Variants in WWP1 observed in about 807,000 individuals in gnomAD.
WWP1 encodes the protein WW domain containing E3 ubiquitin protein ligase 1.
In WWP1, 49 loss-of-function variants were observed where a neutral mutation model predicts 130.6. That is an observed-to-expected ratio of 0.38 (90% CI 0.30 to 0.48). The LOEUF (loss-of-function observed/expected upper bound fraction) is 0.48, where lower values mean the gene tolerates loss of function less well. Among genes scored for constraint, WWP1 ranks in the 20% least tolerant of loss-of-function variants. The pLI is 0.99. For missense variants in WWP1, 809 were observed against 1,100.6 expected (o/e 0.74, Z 3.75); for synonymous variants, 332 against 367.8 (o/e 0.90, Z 1.11).
At chr8:86,353,394 T>TATA (rs1563458097) in intron 1 of WWP1, among the ~76,000 whole-genome samples, 2 of 152,170 alleles carry the variant, frequency 1.3e-5, no homozygotes, top group Non-Finnish European at 1.5e-5. Flanking sequence ...GTTGCTATGT[T>TATA]AGTAATTTTG....
At chr8:86,438,728 G>A (rs1810430888) in intron 17 of WWP1, 55 bp downstream of exon 17, 2 of 1,383,658 alleles carry the variant, frequency 1.4e-6, no homozygotes, top group Non-Finnish European at 9.8e-7. Context: ...TTGTATACAG[G>A]GAAAGTATTC....
chr8:86,362,509 A>ACC (rs1823728641), intron 1 of WWP1, among the ~76,000 whole-genome samples: 2 of 152,066 alleles, frequency 1.3e-5, no homozygotes, highest in Non-Finnish European at 2.9e-5. Flanking sequence ...CAAGGGTAGA[A>ACC]GAATCGGTGA....
chr8:86,458,680 C>T (rs1811587523), intron 22 of WWP1, among the ~76,000 whole-genome samples: 1 of 152,138 alleles, frequency 6.6e-6, no homozygotes, highest in Admixed American at 6.5e-5. Flanking sequence ...GGACTTCTGG[C>T]TTACTTCTGC....
intron 9 of WWP1, among the ~76,000 whole-genome samples, chr8:86,421,262 C>T (rs995680857): frequency 1.3e-5 from 2 of 151,952 alleles, no homozygotes; most frequent in African/African-American, 2.4e-5. Context: ...TTTGTGATCC[C>T]GAGTCAGTTC....
chr8:86,406,568 C>T (rs1410308649), intron 8 of WWP1, among the ~76,000 whole-genome samples: 1 of 152,152 alleles, frequency 6.6e-6, no homozygotes, highest in Non-Finnish European at 1.5e-5. Context: ...CCAGTGTTAA[C>T]ATCTTGTATA....
At chr8:86,389,835 G>T (rs1825528670) in intron 5 of WWP1, among the ~76,000 whole-genome samples, 1 of 150,346 alleles carries the variant, frequency 6.7e-6, no homozygotes, top group Non-Finnish European at 1.5e-5. Flanking sequence ...GGTGGGGGCT[G>T]CCCCCCACCT....
At chr8:86,365,801 A>G (rs960186040) in intron 1 of WWP1, among the ~76,000 whole-genome samples, 2 of 152,322 alleles carry the variant, frequency 1.3e-5, no homozygotes, top group Admixed American at 1.3e-4. Flanking sequence ...GTCTCTATTT[A>G]TATATAAAAA....
intron 2 of WWP1, among the ~76,000 whole-genome samples, chr8:86,372,903 T>A (rs1824410111): frequency 6.6e-6 from 1 of 152,118 alleles, no homozygotes; most frequent in Non-Finnish European, 1.5e-5. Flanking sequence ...ACTCCTTTCT[T>A]TGGGTTTGTT....
At chr8:86,461,922 G>GATC in intron 24 of WWP1, 76 bp downstream of exon 24, 1 of 1,239,052 alleles carries the variant, frequency 8.1e-7, no homozygotes, top group East Asian at 2.3e-5. Context: ...AAATATGTAA[G>GATC]ATCCAGTATA....
intron 5 of WWP1, among the ~76,000 whole-genome samples, chr8:86,393,209 A>T (rs1160529517): frequency 1.4e-4 from 21 of 149,550 alleles, no homozygotes; most frequent in African/African-American, 5.3e-4. Context: ...TTTAATTTGT[A>T]TTTATTTATT....
intron 1 of WWP1, among the ~76,000 whole-genome samples, chr8:86,351,244 A>G (rs961864334): frequency 1.3e-5 from 2 of 152,246 alleles, no homozygotes; most frequent in African/African-American, 4.8e-5. Flanking sequence ...TTGAAAATTC[A>G]AACAAGTATT....
chr8:86,344,808 T>C (rs1015031171), intron 1 of WWP1, among the ~76,000 whole-genome samples: 14 of 152,174 alleles, frequency 9.2e-5, no homozygotes, highest in African/African-American at 3.1e-4. Flanking sequence ...CAGGTAATTA[T>C]GTTTGGGTGG....
intron 11 of WWP1, 51 bp downstream of exon 11, chr8:86,427,868 C>CT: frequency 6.7e-7 from 1 of 1,488,576 alleles, no homozygotes; most frequent in South Asian, 1.4e-5. Flanking sequence ...TCAGGTGTTT[C>CT]TTTCTTTTTT....
At chr8:86,375,468 C>T (rs1824582029) in intron 3 of WWP1, among the ~76,000 whole-genome samples, 1 of 152,136 alleles carries the variant, frequency 6.6e-6, no homozygotes, top group Admixed American at 6.5e-5. Context: ...CCTTCTGTTG[C>T]TTCTTTTTGA....
chr8:86,398,937 G>A (rs1288882837), intron 7 of WWP1, among the ~76,000 whole-genome samples: 4 of 152,154 alleles, frequency 2.6e-5, no homozygotes, highest in Non-Finnish European at 5.9e-5. Flanking sequence ...CTACCTTGAA[G>A]AGAAACCATG....
chr8:86,431,451 A>G lies in WWP1; in HGVS notation c.1433A>G (p.Asn478Ser). The change falls in exon 13 of 25, where the codon AAC (asparagine) becomes AGC (serine). Residue 478 changes from asparagine (N) to serine (S), a missense_variant. Around this residue, in one of 3 missense-constraint regions of WWP1, gnomAD observed 450 missense variants for 674.2 expected, o/e 0.67. Coordinates refer to ENST00000517970, the MANE Select transcript of WWP1 (RefSeq NM_007013.4). ...STDRVYFVNH[N>S]TKTTQWEDPR... ...GACAGGGTTTACTTTGTGAATCATA[A>G]CACAAAAACAACCCAGTGGGAAGAT... is the stretch of plus-strand genomic sequence containing the variant. The G allele has an allele frequency of 6.2e-7, 1 of 1,611,276 alleles. No individual in the cohort carries two copies. Among genetic ancestry groups the G allele is most frequent in the Non-Finnish European group, 8.5e-7 (1 of 1,178,576 alleles).
chr8:86,381,955 A>G (rs1176662531), intron 5 of WWP1, among the ~76,000 whole-genome samples: 2 of 152,244 alleles, frequency 1.3e-5, no homozygotes, highest in African/African-American at 4.8e-5. Flanking sequence ...TTGTCACTTG[A>G]CTACTAACAA....
At chr8:86,406,328 T>C (rs1808277789) in intron 8 of WWP1, among the ~76,000 whole-genome samples, 1 of 152,224 alleles carries the variant, frequency 6.6e-6, no homozygotes, top group Admixed American at 6.5e-5. Flanking sequence ...TGTTCCACTT[T>C]GTTCCTCTGG....
chr8:86,372,018 T>TA (rs1563473912), intron 2 of WWP1, among the ~76,000 whole-genome samples: 1 of 17,098 alleles, frequency 5.8e-5, no homozygotes, highest in African/African-American at 3.0e-4. Context: ...AATTTTTGTA[T>TA]TTTTTTTTTT....
Sources: gnomAD v4.1 joint callset for allele counts (sites outside exome capture counted in the v4.1 genomes callset) on GRCh38, gnomAD v4.1.1 for gene constraint, gnomAD v4.1.1 regional missense constraint, MANE v1.5 for transcripts, NCBI Gene and HGNC (gene_info 2026-07-23, HGNC 2026-07-21) for gene names.